Variants in POU6F2 observed in about 807,000 individuals in gnomAD.
The protein encoded by POU6F2 is POU class 6 homeobox 2.
POU6F2 carries 31 observed loss-of-function variants against 71.3 expected under a neutral mutation model. The observed-to-expected ratio is 0.43, with a 90% CI of 0.33 to 0.59. The LOEUF is 0.59. Ranked by LOEUF, POU6F2 falls within the 20% of genes least tolerant of loss-of-function variation. The pLI, the probability that POU6F2 is intolerant of heterozygous loss-of-function variation, is 0.04. For missense variants in POU6F2, 783 were observed against 856.8 expected (o/e 0.91, Z 1.07); for synonymous variants, 347 against 355.7 (o/e 0.98, Z 0.27).
chr7:39,287,520 A>G (rs1784672205), intron 4 of POU6F2, among the ~76,000 whole-genome samples: 1 of 152,222 alleles, frequency 6.6e-6, no homozygotes, highest in Admixed American at 6.5e-5. Context: ...AGTCATTTTG[A>G]AAATTAAATG....
intron 5 of POU6F2, among the ~76,000 whole-genome samples, chr7:39,391,150 TCA>T (rs998993061): frequency 6.6e-6 from 1 of 152,228 alleles, no homozygotes; most frequent in African/African-American, 2.4e-5. Context: ...TCTTGAAAAA[TCA>T]CATTTTCTTC....
chr7:39,409,218 A>T (rs1787499466), intron 6 of POU6F2, among the ~76,000 whole-genome samples: 1 of 152,222 alleles, frequency 6.6e-6, no homozygotes, highest in South Asian at 2.1e-4. Context: ...CTTTCACTTG[A>T]GTTCTTGACA....
intron 2 of POU6F2, among the ~76,000 whole-genome samples, chr7:39,108,358 T>G (rs1791736610): frequency 6.6e-6 from 1 of 152,072 alleles, no homozygotes; most frequent in South Asian, 2.1e-4. Flanking sequence ...TGGTTGAGAT[T>G]TAACTAGGTA....
At chr7:39,145,456 A>T (rs1436846017) in intron 2 of POU6F2, among the ~76,000 whole-genome samples, 1 of 152,232 alleles carries the variant, frequency 6.6e-6, no homozygotes, top group African/African-American at 2.4e-5. Flanking sequence ...TCCTTGGCAC[A>T]TTTGTTGAGC....
chr7:39,062,107 A>G (rs1790669666), intron 1 of POU6F2, among the ~76,000 whole-genome samples: 1 of 152,164 alleles, frequency 6.6e-6, no homozygotes, highest in South Asian at 2.1e-4. Flanking sequence ...GAGTTCATGG[A>G]TACTACACGT....
chr7:39,450,674 A>AAATT (rs199796800), intron 7 of POU6F2, among the ~76,000 whole-genome samples: 1,594 of 152,302 alleles, frequency 0.01, 18 homozygotes, highest in South Asian at 0.023. Context: ...TTTTAAAATT[A>AAATT]AATTAATTCT....
intron 6 of POU6F2, among the ~76,000 whole-genome samples, chr7:39,419,113 G>A (rs910378157): frequency 1.0e-3 from 59 of 56,208 alleles, no homozygotes; most frequent in African/African-American, 3.6e-3. Flanking sequence ...ACATATATAC[G>A]TATATATGTG....
intron 3 of POU6F2, among the ~76,000 whole-genome samples, chr7:39,205,347 G>C (rs984575428): frequency 5.3e-5 from 8 of 152,124 alleles, no homozygotes; most frequent in African/African-American, 1.9e-4. Flanking sequence ...CTGCACACCT[G>C]CCTGTGAACA....
At chr7:39,020,114 CA>C (rs1336339918) in intron 1 of POU6F2, among the ~76,000 whole-genome samples, 1 of 152,096 alleles carries the variant, frequency 6.6e-6, no homozygotes, top group Non-Finnish European at 1.5e-5. Context: ...CCAGACCCCC[CA>C]AAAAAGCTAG....
chr7:39,381,449 C>T (rs947116969), intron 5 of POU6F2, among the ~76,000 whole-genome samples: 13 of 152,112 alleles, frequency 8.5e-5, no homozygotes, highest in African/African-American at 3.1e-4. Flanking sequence ...ACCACGTTGC[C>T]CAGGCTGGTG....
At chr7:39,011,652 C>T (rs879427453) in intron 1 of POU6F2, among the ~76,000 whole-genome samples, 2,644 of 149,322 alleles carry the variant, frequency 0.018, 35 homozygotes, top group Non-Finnish European at 0.026. Flanking sequence ...GATTTTGCAG[C>T]GGCTGGTACC....
chr7:39,003,193 A>AG (rs779740127), intron 1 of POU6F2, among the ~76,000 whole-genome samples: 2 of 152,228 alleles, frequency 1.3e-5, no homozygotes, highest in Non-Finnish European at 2.9e-5. Flanking sequence ...AAAGCCATCA[A>AG]GGACATACTA....
intron 1 of POU6F2, among the ~76,000 whole-genome samples, chr7:39,009,306 A>G (rs1369161384): frequency 4.6e-5 from 7 of 151,850 alleles, no homozygotes; most frequent in Non-Finnish European, 8.8e-5. Context: ...GAATTCACTC[A>G]TGATTTGGCT....
rs1784839067 is a variant in POU6F2, at chr7:39,296,065, G to T, written c.599-43577G>T. Among the ~76,000 whole-genome samples, 3 of 152,164 alleles carry T rather than the reference G, an allele frequency of 2.0e-5. No individual in the cohort carries two copies. The South Asian group carries it at 6.2e-4, about 32-fold the overall frequency. On this transcript the variant is annotated intron_variant, in intron 4 of 9. Transcript: ENST00000518318. ...TTTATGAGAGCAAAGTCACATCATAGATTTAAGGAAATTGAAACTTAGAGA... is the reference window on the plus strand; with the variant it reads ...TTTATGAGAGCAAAGTCACATCATATATTTAAGGAAATTGAAACTTAGAGA...
intron 4 of POU6F2, among the ~76,000 whole-genome samples, chr7:39,222,251 G>GA (rs1794379587): frequency 6.6e-6 from 1 of 151,904 alleles, no homozygotes; most frequent in South Asian, 2.1e-4. Flanking sequence ...GAAAGTTCCA[G>GA]AAAAAAAATT....
At chr7:39,386,999 AGTT>A (rs769166449) in intron 5 of POU6F2, among the ~76,000 whole-genome samples, 14 of 152,202 alleles carry the variant, frequency 9.2e-5, no homozygotes, top group Non-Finnish European at 1.9e-4. Context: ...TGCTCAGAGA[AGTT>A]GTATCTCAGC....
intron 2 of POU6F2, among the ~76,000 whole-genome samples, chr7:39,143,647 C>T (rs1562721826): frequency 6.6e-6 from 1 of 152,084 alleles, no homozygotes; most frequent in Admixed American, 6.6e-5. Flanking sequence ...AGTGAAGACT[C>T]CCAGAGCTGA....
chr7:39,047,385 T>C (rs1225575391), intron 1 of POU6F2, among the ~76,000 whole-genome samples: 1 of 151,946 alleles, frequency 6.6e-6, no homozygotes, highest in Non-Finnish European at 1.5e-5. Context: ...CTCCCTTTAT[T>C]TCTTTCACTC....
chr7:38,990,163 G>A (rs967949559), intron 1 of POU6F2, among the ~76,000 whole-genome samples: 37 of 151,998 alleles, frequency 2.4e-4, no homozygotes, highest in African/African-American at 8.5e-4. Context: ...TGAAATAATT[G>A]TATTGTATCA....
Sources: allele counts gnomAD v4.1 joint callset (sites outside exome capture counted in the v4.1 genomes callset), GRCh38; gene constraint gnomAD v4.1.1; transcripts MANE v1.5; gene names NCBI Gene and HGNC (gene_info 2026-07-23, HGNC 2026-07-21).